Variants in SLC24A2 observed in about 807,000 individuals in gnomAD.
The protein encoded by SLC24A2 is solute carrier family 24 member 2.
SLC24A2 carries 36 observed loss-of-function variants against 62.0 expected under a neutral mutation model. That is an observed-to-expected ratio of 0.58 (90% confidence interval 0.44 to 0.77). The LOEUF (loss-of-function observed/expected upper bound fraction) is 0.77, where lower values mean the gene tolerates loss of function less well. SLC24A2 is among the 30% of genes least tolerant of loss of function. The pLI, the probability that SLC24A2 is intolerant of heterozygous loss-of-function variation, is 0.00. For synonymous variants in SLC24A2, 358 were observed against 294.0 expected (o/e 1.22, Z -2.23); for missense variants, 846 against 817.9 (o/e 1.03, Z -0.42).
At chr9:20,099,468 G>A in the SLC24A2 span, among the ~76,000 whole-genome samples, 1 of 152,132 alleles carries the variant, frequency 6.6e-6, no homozygotes, top group Non-Finnish European at 1.5e-5. Flanking sequence ...TGATGAAAAT[G>A]TGTATATCCT....
chr9:19,561,508 C>T (rs1470875362), intron 7 of SLC24A2, among the ~76,000 whole-genome samples: 2 of 140,056 alleles, frequency 1.4e-5, no homozygotes, highest in Non-Finnish European at 3.1e-5. Flanking sequence ...GATCTCGGCT[C>T]ACTGCAACCT....
the SLC24A2 span, among the ~76,000 whole-genome samples, chr9:20,062,242 A>AAAATATTCTTC: frequency 6.6e-6 from 1 of 152,128 alleles, no homozygotes; most frequent in Non-Finnish European, 1.5e-5. Flanking sequence ...ACAATAAATA[A>AAAATATTCTTC]AAATAAAAGA....
At chr9:19,860,079 TG>T in the SLC24A2 span, among the ~76,000 whole-genome samples, 1 of 152,092 alleles carries the variant, frequency 6.6e-6, no homozygotes, top group African/African-American at 2.4e-5. Context: ...GACAATGGAC[TG>T]GGGGAGCATG....
At chr9:19,777,473 AT>A (rs1395856804) in intron 2 of SLC24A2, among the ~76,000 whole-genome samples, 1 of 152,152 alleles carries the variant, frequency 6.6e-6, no homozygotes, top group African/African-American at 2.4e-5. Context: ...TTGTTGTAGT[AT>A]TTTTTATAAT....
Position 19,679,682 on chromosome 9 carries a change from A to G in SLC24A2, c.931-57383T>C, listed in dbSNP as rs562224593. Among the ~76,000 whole-genome samples the G allele has an allele frequency of 1.7e-3, 252 of 152,272 alleles. 4 individuals are homozygous for G. Among genetic ancestry groups the G allele is most frequent in the African/African-American group, 5.8e-3 (241 of 41,560 alleles). On this transcript the variant is annotated intron_variant, in intron 2 of 10. Transcript: ENST00000341998. ...ACTGAGACATTTGTCTTCTCCTGCC[A>G]TTGGTCATTGATGCTCCTGGTTCTT...
At chr9:20,139,554 C>A in the SLC24A2 span, among the ~76,000 whole-genome samples, 1 of 152,200 alleles carries the variant, frequency 6.6e-6, no homozygotes, top group Non-Finnish European at 1.5e-5. Context: ...GATATAGACA[C>A]TTTATGTGTG....
At chr9:19,523,471 T>A (rs1347567684) in intron 9 of SLC24A2, among the ~76,000 whole-genome samples, 2 of 152,134 alleles carry the variant, frequency 1.3e-5, no homozygotes, top group Non-Finnish European at 2.9e-5. Context: ...TAACTTAATA[T>A]GTTTTTTTTG....
At chr9:20,127,811 T>C in the SLC24A2 span, among the ~76,000 whole-genome samples, 10 of 152,166 alleles carry the variant, frequency 6.6e-5, no homozygotes, top group South Asian at 2.1e-4. Context: ...GCAGTAGGCA[T>C]GAATAAATTA....
chr9:20,272,820 C>T, the SLC24A2 span, among the ~76,000 whole-genome samples: 2 of 152,102 alleles, frequency 1.3e-5, no homozygotes, highest in African/African-American at 4.8e-5. Flanking sequence ...TATCAGAGGC[C>T]CACTGAGAAT....
the SLC24A2 span, among the ~76,000 whole-genome samples, chr9:20,163,503 C>A: frequency 6.6e-6 from 1 of 152,140 alleles, no homozygotes. Flanking sequence ...AATGGAAGAA[C>A]ATTCCATGCT....
chr9:20,021,583 G>C, the SLC24A2 span, among the ~76,000 whole-genome samples: 3 of 152,060 alleles, frequency 2.0e-5, no homozygotes, highest in South Asian at 6.2e-4. Flanking sequence ...GGTTCAAGCA[G>C]AATCATCATG....
the SLC24A2 span, among the ~76,000 whole-genome samples, chr9:20,303,827 C>A: frequency 6.6e-6 from 1 of 152,198 alleles, no homozygotes; most frequent in East Asian, 1.9e-4. Flanking sequence ...TCACTGTGTT[C>A]CTAGTCTTTG....
intron 5 of SLC24A2, among the ~76,000 whole-genome samples, chr9:19,589,932 C>G (rs1179072162): frequency 1.3e-5 from 2 of 152,166 alleles, no homozygotes; most frequent in Non-Finnish European, 2.9e-5. Flanking sequence ...CTTCTCTAGA[C>G]AAAGAGACTC....
At chr9:20,145,735 A>G in the SLC24A2 span, among the ~76,000 whole-genome samples, 3 of 151,410 alleles carry the variant, frequency 2.0e-5, no homozygotes, top group East Asian at 5.8e-4. Flanking sequence ...TAAAAGCACT[A>G]TTTTCCTGGA....
At chr9:20,051,657 C>CTCTCTTTTTTTTTTTTTTTTTTTTTT in the SLC24A2 span, among the ~76,000 whole-genome samples, 1 of 73,514 alleles carries the variant, frequency 1.4e-5, no homozygotes, top group Admixed American at 2.0e-4. Context: ...TTTTCTTTCT[C>CTCTCTTTTTTTTTTTTTTTTTTTTTT]TTTTTTTTTT....
the SLC24A2 span, among the ~76,000 whole-genome samples, chr9:20,200,597 T>C: frequency 6.6e-6 from 1 of 152,164 alleles, no homozygotes; most frequent in Non-Finnish European, 1.5e-5. Context: ...CACCCTACTT[T>C]TATAAATTTT....
the SLC24A2 span, among the ~76,000 whole-genome samples, chr9:20,289,258 C>G: frequency 6.6e-6 from 1 of 152,152 alleles, no homozygotes; most frequent in Non-Finnish European, 1.5e-5. Flanking sequence ...AACATGGTAA[C>G]AGTTAAGTTT....
At chr9:19,708,764 A>T (rs1437897165) in intron 2 of SLC24A2, among the ~76,000 whole-genome samples, 3 of 152,236 alleles carry the variant, frequency 2.0e-5, no homozygotes, top group African/African-American at 7.2e-5. Context: ...TTCAAGATGG[A>T]TTAAAGACTT....
At chr9:20,278,996 C>T in the SLC24A2 span, among the ~76,000 whole-genome samples, 1 of 152,114 alleles carries the variant, frequency 6.6e-6, no homozygotes, top group Non-Finnish European at 1.5e-5. Context: ...GCAAACATGT[C>T]CTTCTTCATA....
Sources: allele counts gnomAD v4.1 joint callset (sites outside exome capture counted in the v4.1 genomes callset), GRCh38; gene constraint gnomAD v4.1.1; transcripts MANE v1.5; gene names NCBI Gene and HGNC (gene_info 2026-07-23, HGNC 2026-07-21).